The following CDC14B variants were observed in gnomAD, a reference collection of about 807,000 sequenced individuals.
CDC14B encodes cell division cycle 14B.
Under a neutral mutation model 64.2 loss-of-function variants are expected in CDC14B, and 22 were observed. The observed-to-expected ratio is 0.34, with a 90% CI of 0.24 to 0.49. The LOEUF is 0.49. Ranked by LOEUF, CDC14B falls within the 20% of genes least tolerant of loss-of-function variation. The probability of loss-of-function intolerance (pLI) is 0.99; values close to 1 mark genes in which losing one functional copy is unlikely to be tolerated. For missense variants in CDC14B, 498 were observed against 629.9 expected, an observed-to-expected ratio of 0.79 and a Z score of 2.24; for synonymous variants, 191 against 215.8, an observed-to-expected ratio of 0.89 and a Z score of 1.01.
chr9:96,520,818 C>T (rs1836587274), intron 12 of CDC14B, among the ~76,000 whole-genome samples: 1 of 150,532 alleles, frequency 6.6e-6, no homozygotes, highest in South Asian at 2.1e-4. Context: ...CCCACCCCCA[C>T]CCCACCAATC....
At chr9:96,529,546 C>T (rs1838113409) in intron 9 of CDC14B, among the ~76,000 whole-genome samples, 1 of 145,022 alleles carries the variant, frequency 6.9e-6, no homozygotes, top group Non-Finnish European at 1.5e-5. Context: ...GGCTGGAATG[C>T]AATGGCACAA....
Position 96,502,021 on chromosome 9 carries a change from ATT to A in CDC14B, c.*1730_*1731del, listed in dbSNP as rs1833598938. 1 of 152,200 alleles carries A rather than the reference ATT, an allele frequency of 6.6e-6. No homozygotes were observed. The highest frequency in any genetic ancestry group is 2.4e-5 in the African/African-American group (1 of 41,436). 9.4% of individuals were successfully genotyped at this position (152,200 alleles called of 1,614,324 possible). On this transcript the variant is annotated 3_prime_UTR_variant, in exon 14 of 14. Coordinates refer to ENST00000375241, the MANE Select transcript of CDC14B (RefSeq NM_033331.4). ...TGCATGGCACAGTTTGAATATTTAT[ATT>A]GTCTCAGCTCAAAATAGCAAAAGGA...
At chr9:96,587,479 G>A (rs892281353) in intron 1 of CDC14B, among the ~76,000 whole-genome samples, 12 of 152,194 alleles carry the variant, frequency 7.9e-5, no homozygotes, top group Non-Finnish European at 1.6e-4. Context: ...GCTGCCAAGA[G>A]CCTTGATCCC....
rs376473154 is a variant in CDC14B at position 96,592,792 on chromosome 9, AC to A, written c.160+26426del. On this transcript the variant is annotated intron_variant, in intron 1 of 13. Transcript: ENST00000375241. ...TGTCTCAAAAAACAAAAACAAAAAA[AC>A]AGGTTGCTAAACAAGGACATTAATA... is the stretch of plus-strand genomic sequence containing the variant. Among the ~76,000 whole-genome samples the A allele has an allele frequency of 2.8e-3, 420 of 152,314 alleles. 5 individuals are homozygous for A. The highest frequency in any genetic ancestry group is 9.5e-3 in the African/African-American group (397 of 41,574).
intron 1 of CDC14B, among the ~76,000 whole-genome samples, chr9:96,600,808 T>A (rs954630428): frequency 6.6e-6 from 1 of 152,010 alleles, no homozygotes; most frequent in Non-Finnish European, 1.5e-5. Context: ...CGGCCTAGCG[T>A]TTGTGTTTAT....
chr9:96,608,915 A>ACACACACACC lies in CDC14B; in HGVS notation c.160+10303_160+10304insGGTGTGTGTG, dbSNP rs1564393095. Among the ~76,000 whole-genome samples, 15 of 152,086 alleles carry ACACACACACC rather than the reference A, an allele frequency of 9.9e-5. No individual in the cohort carries two copies. The South Asian group carries it at 2.9e-3, about 30-fold the overall frequency. On this transcript the variant is annotated intron_variant, in intron 1 of 13. Coordinates refer to ENST00000375241, the MANE Select transcript of CDC14B (RefSeq NM_033331.4). The stretch of plus-strand genomic sequence containing the variant: ...CAGACACACACACACACACACACAC[A>ACACACACACC]CACACACACACGAAAAGACACACAA...
At position 96,523,738 on chromosome 9, in the gene CDC14B, A is replaced by G; in HGVS notation, c.947-13T>C. The G allele has an allele frequency of 6.2e-7, 1 of 1,608,330 alleles. No homozygotes were observed. Among genetic ancestry groups the G allele is most frequent in the African/African-American group, 1.3e-5 (1 of 74,920 alleles). On this transcript the variant is annotated splice_polypyrimidine_tract_variant and intron_variant, in intron 9 of 13. Transcript: ENST00000375241. ...CGACCAAGGCCAGCTAGGAAAATAA[A>G]GAAGCACAGAAATGAAACTTGGGCT... is the stretch of plus-strand genomic sequence containing the variant.
intron 5 of CDC14B, among the ~76,000 whole-genome samples, chr9:96,542,355 G>A (rs943403051): frequency 2.0e-5 from 3 of 152,212 alleles, no homozygotes; most frequent in Non-Finnish European, 4.4e-5. Flanking sequence ...CTGTCTGTGT[G>A]TGTGTGTCTC....
chr9:96,558,315 CA>C (rs1257027442), intron 4 of CDC14B, among the ~76,000 whole-genome samples: 4 of 152,150 alleles, frequency 2.6e-5, no homozygotes, highest in African/African-American at 9.7e-5. Flanking sequence ...GCTCTCAACA[CA>C]AAGAAATGAC....
chr9:96,532,020 G>A (rs776276481), intron 9 of CDC14B, among the ~76,000 whole-genome samples: 1 of 152,086 alleles, frequency 6.6e-6, no homozygotes, highest in South Asian at 2.1e-4. Flanking sequence ...GTTTTGCTTT[G>A]TCAGGAGGCT....
At chr9:96,555,929 C>G (rs762497016) in intron 4 of CDC14B, among the ~76,000 whole-genome samples, 1 of 139,138 alleles carries the variant, frequency 7.2e-6, no homozygotes, top group East Asian at 2.5e-4. Flanking sequence ...GTTTCAAAAC[C>G]TCGGAGGTAT....
In CDC14B at chr9:96,512,181, G is replaced by A. The variant is rs556023577; in HGVS notation, c.1344-2392C>T. ...TGCAGTGAGCCATGTTTGTGTCACC[G>A]ATCTCCAGCCAGGTGATAGAGACTT... On this transcript the variant is annotated intron_variant, in intron 12 of 13. Coordinates refer to ENST00000375241, the MANE Select transcript of CDC14B (RefSeq NM_033331.4). 4.7e-5 allele frequency among the ~76,000 whole-genome samples: 7 copies of A among 150,034 alleles called. No individual in the cohort carries two copies. In the East Asian group the frequency reaches 5.9e-4, roughly 13 times the overall value.
At chr9:96,552,221 A>G (rs903775120) in intron 4 of CDC14B, among the ~76,000 whole-genome samples, 7 of 152,178 alleles carry the variant, frequency 4.6e-5, no homozygotes, top group African/African-American at 1.7e-4. Flanking sequence ...AATGACAGCT[A>G]AGCAGCGTGT....
intron 1 of CDC14B, among the ~76,000 whole-genome samples, chr9:96,610,151 G>A (rs966573379): frequency 1.1e-4 from 16 of 151,838 alleles, no homozygotes; most frequent in South Asian, 4.2e-4. Context: ...CTTACTGCCC[G>A]TATCTGAGGC....
At chr9:96,603,274 T>C (rs1166259740) in intron 1 of CDC14B, among the ~76,000 whole-genome samples, 1 of 151,840 alleles carries the variant, frequency 6.6e-6, no homozygotes, top group Admixed American at 6.6e-5. Context: ...GGAAAGTGCC[T>C]TAGTCTATGT....
chr9:96,526,585 C>T (rs1438974286), intron 9 of CDC14B, among the ~76,000 whole-genome samples: 1 of 152,116 alleles, frequency 6.6e-6, no homozygotes, highest in African/African-American at 2.4e-5. Flanking sequence ...GATTAATATA[C>T]CTCTTAATGA....
chr9:96,591,277 G>A (rs972948368), intron 1 of CDC14B, among the ~76,000 whole-genome samples: 10 of 152,250 alleles, frequency 6.6e-5, no homozygotes, highest in South Asian at 2.1e-4. Flanking sequence ...ATTAATTTTT[G>A]TATCTAGGGT....
chr9:96,581,082 T>C (rs1164272249), intron 1 of CDC14B, among the ~76,000 whole-genome samples: 1 of 151,838 alleles, frequency 6.6e-6, no homozygotes, highest in African/African-American at 2.4e-5. Flanking sequence ...ATACAAAAAT[T>C]AGCCAGGCAT....
At chr9:96,559,146 TA>T (rs1842849070) in intron 4 of CDC14B, among the ~76,000 whole-genome samples, 2 of 152,144 alleles carry the variant, frequency 1.3e-5, no homozygotes, top group African/African-American at 4.8e-5. Flanking sequence ...GTTTTTAAGA[TA>T]AAAAATAAAT....
Sources: allele counts gnomAD v4.1 joint callset (sites outside exome capture counted in the v4.1 genomes callset), GRCh38; gene constraint gnomAD v4.1.1; transcripts MANE v1.5; gene names NCBI Gene and HGNC (gene_info 2026-07-23, HGNC 2026-07-21).